HNF4G: variants seen among roughly 807,000 people sequenced by gnomAD.
The protein encoded by HNF4G is hepatocyte nuclear factor 4 gamma.
Under a neutral mutation model 50.9 loss-of-function variants are expected in HNF4G, and 21 were observed. That is an observed-to-expected ratio of 0.41 (90% CI 0.29 to 0.59). The LOEUF is 0.59. Ranked by LOEUF, HNF4G falls within the 20% of genes least tolerant of loss-of-function variation. The pLI is 0.26. For synonymous variants in HNF4G, 198 were observed against 185.6 expected (o/e 1.07, Z -0.54); for missense variants, 527 against 559.4 (o/e 0.94, Z 0.58).
rs796732320 is a variant in HNF4G, at chr8:75,555,199, G to T, written c.646-783G>T. 9.2e-5 allele frequency among the ~76,000 whole-genome samples: 14 copies of T among 152,198 alleles called. 1 individual carries two copies. In the East Asian group the frequency reaches 2.5e-3, roughly 27 times the overall value. On this transcript the variant is annotated intron_variant, in intron 5 of 9. Transcript: ENST00000396423. ...TGGATCACTTTGGCTTGTATTTTGA[G>T]AAGCAGCACTAGAATTTACTGCAGA...
intron 2 of HNF4G, among the ~76,000 whole-genome samples, chr8:75,544,723 C>G (rs1341185599): frequency 6.6e-6 from 1 of 151,454 alleles, no homozygotes; most frequent in Non-Finnish European, 1.5e-5. Context: ...CTTGATTCAT[C>G]TGTATGACTG....
chr8:75,493,243 AG>A lies in HNF4G; in HGVS notation c.-24+3038del, dbSNP rs771480731. Among the ~76,000 whole-genome samples, 4 of 152,210 alleles carry A rather than the reference AG, an allele frequency of 2.6e-5. No homozygotes were observed. The East Asian group carries it at 5.8e-4, about 22-fold the overall frequency. Reference sequence around the variant, plus strand: ...AAAAGACAGCAAGGTATATATCTGGAGGGAAAGGAACTATTAGACTGAACTG... The same window carrying A: ...AAAAGACAGCAAGGTATATATCTGGAGGAAAGGAACTATTAGACTGAACTG... On this transcript the variant is annotated intron_variant, in intron 2 of 10. Coordinates refer to the HNF4G transcript ENST00000354370.
intron 1 of HNF4G, among the ~76,000 whole-genome samples, chr8:75,414,154 G>A (rs1810572399): frequency 6.6e-6 from 1 of 151,942 alleles, no homozygotes; most frequent in Admixed American, 6.6e-5. Flanking sequence ...CAAACTCCCT[G>A]TGCCTTTTTG....
chr8:75,533,497 T>C (rs1291554252), intron 2 of HNF4G, among the ~76,000 whole-genome samples: 1 of 151,992 alleles, frequency 6.6e-6, no homozygotes, highest in East Asian at 1.9e-4. Flanking sequence ...GGTTTCTTAC[T>C]TGAGAGTGAT....
intron 2 of HNF4G, among the ~76,000 whole-genome samples, chr8:75,508,019 G>GAA: frequency 6.9e-6 from 1 of 144,936 alleles, no homozygotes; most frequent in African/African-American, 2.5e-5. Context: ...TAATAATTTT[G>GAA]AAAAAAAAAA....
At chr8:75,545,103 T>C (rs934361931) in intron 2 of HNF4G, among the ~76,000 whole-genome samples, 1 of 152,136 alleles carries the variant, frequency 6.6e-6, no homozygotes, top group Non-Finnish European at 1.5e-5. Flanking sequence ...ACATTAAAAC[T>C]CTAAAGGTAA....
At chr8:75,449,006 A>T (rs1208256020) in intron 1 of HNF4G, among the ~76,000 whole-genome samples, 1 of 152,156 alleles carries the variant, frequency 6.6e-6, no homozygotes, top group Non-Finnish European at 1.5e-5. Flanking sequence ...AAAAACTGAG[A>T]TTTGGGGGGG....
At chr8:75,427,102 C>A (rs1456186124) in intron 1 of HNF4G, among the ~76,000 whole-genome samples, 3 of 151,916 alleles carry the variant, frequency 2.0e-5, no homozygotes, top group African/African-American at 7.3e-5. Context: ...TCTTTTTAGA[C>A]CAGTATTATC....
At chr8:75,562,750 T>C (rs1807350006) in intron 9 of HNF4G, among the ~76,000 whole-genome samples, 1 of 152,144 alleles carries the variant, frequency 6.6e-6, no homozygotes, top group South Asian at 2.1e-4. Flanking sequence ...ATACTATTTG[T>C]GGGATTTGTT....
intron 1 of HNF4G, among the ~76,000 whole-genome samples, chr8:75,449,313 T>C (rs1315301739): frequency 6.6e-6 from 1 of 152,070 alleles, no homozygotes; most frequent in African/African-American, 2.4e-5. Flanking sequence ...ATTATAGAAT[T>C]AAAGCAGCTA....
chr8:75,495,592 C>A (rs1404325622), intron 2 of HNF4G: 1 of 147,422 alleles, frequency 6.8e-6, no homozygotes, highest in Non-Finnish European at 1.5e-5. Flanking sequence ...GGCTGGAGCG[C>A]AGTGGTGCGA....
chr8:75,489,782 C>G (rs568283525), intron 1 of HNF4G, among the ~76,000 whole-genome samples: 3 of 152,284 alleles, frequency 2.0e-5, no homozygotes, highest in Admixed American at 2.0e-4. Flanking sequence ...GCCAATAAAT[C>G]TATTTAGTCA....
At chr8:75,559,310 A>G (rs1374443766) in intron 8 of HNF4G, among the ~76,000 whole-genome samples, 2 of 149,886 alleles carry the variant, frequency 1.3e-5, no homozygotes, top group African/African-American at 4.9e-5. Context: ...AGTCTCGCTC[A>G]GTCGCCAGGC....
chr8:75,521,115 C>T (rs1806028069), intron 2 of HNF4G, among the ~76,000 whole-genome samples: 1 of 151,936 alleles, frequency 6.6e-6, no homozygotes, highest in Non-Finnish European at 1.5e-5. Context: ...TGGAAAATAA[C>T]AAAAGAACTA....
At chr8:75,518,674 C>G (rs1272976165) in intron 2 of HNF4G, among the ~76,000 whole-genome samples, 2 of 152,248 alleles carry the variant, frequency 1.3e-5, no homozygotes, top group East Asian at 3.9e-4. Flanking sequence ...TTAGCCACAG[C>G]TGGGACACAG....
chr8:75,424,672 G>A (rs1810850987), intron 1 of HNF4G, among the ~76,000 whole-genome samples: 1 of 152,152 alleles, frequency 6.6e-6, no homozygotes, highest in Non-Finnish European at 1.5e-5. Flanking sequence ...AATTTGCATA[G>A]GATAATGGCC....
chr8:75,448,778 T>C (rs1211223881), intron 1 of HNF4G, among the ~76,000 whole-genome samples: 3 of 152,080 alleles, frequency 2.0e-5, no homozygotes, highest in Non-Finnish European at 4.4e-5. Context: ...AGTAAGAAAT[T>C]ATAAAAGGAA....
chr8:75,560,918 A>G (rs1807294429), intron 9 of HNF4G, among the ~76,000 whole-genome samples: 1 of 152,222 alleles, frequency 6.6e-6, no homozygotes, highest in Non-Finnish European at 1.5e-5. Context: ...TGTAGAATTC[A>G]ATACAAAACA....
intron 2 of HNF4G, among the ~76,000 whole-genome samples, chr8:75,494,319 C>T (rs935251710): frequency 6.6e-6 from 1 of 150,380 alleles, no homozygotes; most frequent in Non-Finnish European, 1.5e-5. Flanking sequence ...CACACACACA[C>T]ACACACACAC....
Sources: allele counts gnomAD v4.1 joint callset (sites outside exome capture counted in the v4.1 genomes callset), GRCh38; gene constraint gnomAD v4.1.1; transcripts MANE v1.5; gene names NCBI Gene and HGNC (gene_info 2026-07-23, HGNC 2026-07-21).